Variants in CD84 observed in about 807,000 individuals in gnomAD.
CD84 encodes the protein CD84 molecule.
A neutral mutation model predicts 33.8 loss-of-function variants in CD84; 22 were observed. The observed-to-expected ratio is 0.65, with a 90% CI of 0.46 to 0.93. The LOEUF (loss-of-function observed/expected upper bound fraction) is 0.93. Ranked by LOEUF, CD84 falls within the 40% of genes least tolerant of loss-of-function variation. The pLI is 0.00. For missense variants in CD84, 400 were observed against 397.6 expected (o/e 1.01, Z -0.05); for synonymous variants, 154 against 145.2 (o/e 1.06, Z -0.44).
chr1:160,560,053 T>A (rs1406667098), intron 2 of CD84, among the ~76,000 whole-genome samples: 1 of 152,090 alleles, frequency 6.6e-6, no homozygotes, highest in Non-Finnish European at 1.5e-5. Flanking sequence ...ATGGGAGAGT[T>A]AAACACCCTA....
At position 160,544,237 on chromosome 1, in the gene CD84, C is replaced by A. The variant is rs1406177954; in HGVS notation, c.*4019G>T. On this transcript the variant is annotated 3_prime_UTR_variant, in exon 7 of 7. Transcript: ENST00000368054. ...TGATCTCGGCTCACTGCAACCTCCA[C>A]CTCCCAGGTTCAAGTGATTCTGTTG... 1 of 151,010 alleles carries A rather than the reference C, an allele frequency of 6.6e-6. No individual in the cohort carries two copies. The highest frequency in any genetic ancestry group is 1.5e-5 in the Non-Finnish European group (1 of 67,918). 9.4% of individuals were successfully genotyped at this position (151,010 alleles called of 1,614,324 possible). A position where few individuals can be genotyped will look rare whatever the true frequency, so the allele number is the denominator to read the frequency against.
Position 160,544,851 on chromosome 1 carries a change from T to G in CD84, c.*3405A>C, listed in dbSNP as rs1462752692. The G allele has an allele frequency of 6.6e-6, 1 of 152,220 alleles. No individual in the cohort carries two copies. Among genetic ancestry groups the G allele is most frequent in the Non-Finnish European group, 1.5e-5 (1 of 68,048 alleles). 9.4% of individuals were successfully genotyped at this position (152,220 alleles called of 1,614,324 possible). A position where few individuals can be genotyped will look rare whatever the true frequency, so the allele number is the denominator to read the frequency against. The stretch of plus-strand genomic sequence containing the variant: ...GTCTGCAGGCAGGACTGTCCTAACC[T>G]ACTAGAACTTTCCACCAGAGGGCTC... On this transcript the variant is annotated 3_prime_UTR_variant, in exon 7 of 7. Transcript: ENST00000368054.
In CD84 at chr1:160,551,055, A is replaced by G. The variant is rs1656184131; in HGVS notation, c.761-20T>C. ...CAGCATCTGTCTCACAAATAAATAT[A>G]GACCCACAGTCTGTGAAAGGTGGTT... On this transcript the variant is annotated intron_variant, in intron 4 of 6. Coordinates refer to ENST00000368054, the MANE Select transcript of CD84 (RefSeq NM_003874.4). The G allele has an allele frequency of 1.3e-6, 2 of 1,563,164 alleles. No individual in the cohort carries two copies. Among genetic ancestry groups the G allele is most frequent in the Non-Finnish European group, 1.8e-6 (2 of 1,133,446 alleles).
At position 160,547,966 on chromosome 1, in the gene CD84, A is replaced by C; in HGVS notation, c.*290T>G. 4.8e-6 allele frequency: 2 copies of C among 413,990 alleles called. No individual in the cohort carries two copies. Among genetic ancestry groups the C allele is most frequent in the Non-Finnish European group, 9.0e-6 (2 of 222,682 alleles). 25.6% of individuals were successfully genotyped at this position (413,990 alleles called of 1,614,324 possible). On this transcript the variant is annotated 3_prime_UTR_variant, in exon 7 of 7. Transcript: ENST00000368054. Reference sequence around the variant, plus strand: ...CTTGTTTATCCCAGTGTGCCATAAAAATATTATTTTCTACATGTGCTATGA... The same window carrying C: ...CTTGTTTATCCCAGTGTGCCATAAACATATTATTTTCTACATGTGCTATGA...
chr1:160,548,512 C>T (rs111800168), intron 6 of CD84, among the ~76,000 whole-genome samples, 191 bp from the exon 7 acceptor site: 116 of 152,192 alleles, frequency 7.6e-4, no homozygotes, highest in African/African-American at 2.6e-3. Context: ...AGCTACCCCC[C>T]ATTTGGGAGG....
chr1:160,577,280 T>G (rs1435524409), intron 1 of CD84, among the ~76,000 whole-genome samples: 1 of 152,082 alleles, frequency 6.6e-6, no homozygotes, highest in Non-Finnish European at 1.5e-5. Context: ...GGGAAATGTG[T>G]AAAGTGTAGA....
chr1:160,564,712 T>C (rs760817106), intron 2 of CD84, among the ~76,000 whole-genome samples: 3 of 152,186 alleles, frequency 2.0e-5, no homozygotes, highest in African/African-American at 7.2e-5. Context: ...TGAAATGACA[T>C]AGTTGTAGAT....
intron 2 of CD84, among the ~76,000 whole-genome samples, chr1:160,559,972 C>T (rs1472132902): frequency 6.6e-6 from 1 of 152,058 alleles, no homozygotes; most frequent in African/African-American, 2.4e-5. Context: ...GCACACAATA[C>T]AGGAGCACTC....
At position 160,544,824 on chromosome 1, in the gene CD84, G is replaced by T. The variant is rs1203549766; in HGVS notation, c.*3432C>A. 6.6e-6 allele frequency: 1 copy of T among 152,108 alleles called. No individual in the cohort carries two copies. Among genetic ancestry groups the T allele is most frequent in the Non-Finnish European group, 1.5e-5 (1 of 68,018 alleles). 9.4% of individuals were successfully genotyped at this position (152,108 alleles called of 1,614,324 possible). A position where few individuals can be genotyped will look rare whatever the true frequency, so the allele number is the denominator to read the frequency against. On this transcript the variant is annotated 3_prime_UTR_variant, in exon 7 of 7. Coordinates refer to ENST00000368054, the MANE Select transcript of CD84 (RefSeq NM_003874.4). The stretch of plus-strand genomic sequence containing the variant: ...GTTGAGTCCCTCAGTAAAGCCCAAG[G>T]TGTCTGCAGGCAGGACTGTCCTAAC...
rs908936494 is a variant in CD84 at position 160,552,787 on chromosome 1, C to G, written c.760+591G>C. 4.2e-6 allele frequency: 6 copies of G among 1,430,310 alleles called. No homozygotes were observed. In the African/African-American group the frequency reaches 8.5e-5, roughly 20 times the overall value. The allele number at this position is 1,430,310 out of a possible 1,614,324, so 88.6% of individuals were successfully genotyped here. A position where few individuals can be genotyped will look rare whatever the true frequency, so the allele number is the denominator to read the frequency against. Reference sequence around the variant, plus strand: ...GTCAGGAACATGGAAGCAGAAGTTCCATGTTTTTTATTGTGATTGGTGGGA... The same window carrying G: ...GTCAGGAACATGGAAGCAGAAGTTCGATGTTTTTTATTGTGATTGGTGGGA... On this transcript the variant is annotated intron_variant, in intron 4 of 6. Coordinates refer to ENST00000368054, the MANE Select transcript of CD84 (RefSeq NM_003874.4).
intron 2 of CD84, among the ~76,000 whole-genome samples, chr1:160,556,055 G>A (rs879736440): frequency 2.0e-5 from 3 of 152,188 alleles, no homozygotes; most frequent in Admixed American, 6.5e-5. Flanking sequence ...GTGTGTGTGC[G>A]TGTGTGTTTC....
At position 160,546,888 on chromosome 1, in the gene CD84, A is replaced by C; in HGVS notation, c.*1368T>G. The C allele has an allele frequency of 2.7e-6, 1 of 373,934 alleles. No individual in the cohort carries two copies. Among genetic ancestry groups the C allele is most frequent in the Non-Finnish European group, 4.7e-6 (1 of 210,758 alleles). 23.2% of individuals were successfully genotyped at this position (373,934 alleles called of 1,614,324 possible). On this transcript the variant is annotated 3_prime_UTR_variant, in exon 7 of 7. Transcript: ENST00000368054. ...CAGCTCCTAACATAGTGCTAATGGT[A>C]GTTGGTGCTAGATGAGTCTATGGAT...
In CD84 at chr1:160,550,565, C is replaced by G. The variant is rs186635642; in HGVS notation, c.858+373G>C. On this transcript the variant is annotated intron_variant, in intron 5 of 6. Coordinates refer to ENST00000368054, the MANE Select transcript of CD84 (RefSeq NM_003874.4). ...GTCAGTTCTGTTGCCTCGTAGCCCC[C>G]TTAGCAACCTGTTCACCACGTTGGT... The G allele has an allele frequency of 3.5e-5, 34 of 959,118 alleles. No individual in the cohort carries two copies. In the East Asian group the frequency reaches 3.6e-3, roughly 101 times the overall value. 59.4% of individuals were successfully genotyped at this position (959,118 alleles called of 1,614,324 possible). A position where few individuals can be genotyped will look rare whatever the true frequency, so the allele number is the denominator to read the frequency against.
chr1:160,552,631 G>T (rs1656309251), intron 4 of CD84: 1 of 1,030,388 alleles, frequency 9.7e-7, no homozygotes, highest in Non-Finnish European at 1.5e-6. Flanking sequence ...CACGTGCTTA[G>T]TCTTAACCAC....
At position 160,573,924 on chromosome 1, in the gene CD84, A is replaced by C. The variant is rs948798498; in HGVS notation, c.46+5468T>G. Among the ~76,000 whole-genome samples the C allele has an allele frequency of 2.6e-5, 4 of 152,098 alleles. No homozygotes were observed. In the East Asian group the frequency reaches 7.7e-4, roughly 29 times the overall value. On this transcript the variant is annotated intron_variant, in intron 1 of 6. Coordinates refer to ENST00000368054, the MANE Select transcript of CD84 (RefSeq NM_003874.4). ...AACACAATGAGATCCCATCTCTATG[A>C]AAAAGAAAATAAAAAAAAATTAGTC...
At chr1:160,568,651 CT>C (rs1657476618) in intron 1 of CD84, among the ~76,000 whole-genome samples, 1 of 152,304 alleles carries the variant, frequency 6.6e-6, no homozygotes, top group Non-Finnish European at 1.5e-5. Flanking sequence ...GTCTCACTCT[CT>C]CACTGTCACC....
chr1:160,564,475 G>A (rs1300203996), intron 2 of CD84, among the ~76,000 whole-genome samples: 1 of 152,184 alleles, frequency 6.6e-6, no homozygotes, highest in East Asian at 1.9e-4. Flanking sequence ...ATTCACAGCA[G>A]CTTTATTTGT....
intron 1 of CD84, 126 bp downstream of exon 1, chr1:160,579,266 G>C (rs1233678170): frequency 1.2e-5 from 16 of 1,306,554 alleles, no homozygotes; most frequent in Non-Finnish European, 1.7e-5. Context: ...GTTGAGTACA[G>C]TAGATACTGA....
chr1:160,555,825 C>A (rs769641812), intron 2 of CD84, among the ~76,000 whole-genome samples: 1 of 152,046 alleles, frequency 6.6e-6, no homozygotes, highest in Non-Finnish European at 1.5e-5. Flanking sequence ...CATTATCTTG[C>A]GTTTGTGAAG....
Sources: allele counts gnomAD v4.1 joint callset (sites outside exome capture counted in the v4.1 genomes callset), GRCh38; gene constraint gnomAD v4.1.1; transcripts MANE v1.5; gene names NCBI Gene and HGNC (gene_info 2026-07-23, HGNC 2026-07-21).